Variants in PRMT7 observed in about 807,000 individuals in gnomAD.
PRMT7 encodes protein arginine methyltransferase 7.
A neutral mutation model predicts 85.4 loss-of-function variants in PRMT7; 75 were observed. The ratio of observed to expected loss-of-function variants is 0.88; its 90% CI spans 0.73 to 1.06. The LOEUF is 1.06. Ranked by LOEUF, PRMT7 falls within the 50% of genes least tolerant of loss-of-function variation. PRMT7 has a pLI of 0.00. For synonymous variants in PRMT7, 397 were observed against 359.5 expected (o/e 1.10, Z -1.18); for missense variants, 868 against 915.2 (o/e 0.95, Z 0.67).
Position 68,348,372 on chromosome 16 carries a change from A to G in PRMT7, c.1354A>G (p.Ile452Val). ...CAAGGCTAACCACTTGGAAGATAAA[A>G]TTAACATCATAGAGAAACGGCCGGA... ...IFKANHLEDK[I>V]NIIEKRPELL... The change falls in exon 14 of 19, where the codon ATT becomes GTT. Residue 452 changes from isoleucine to valine, a missense_variant. Transcript: ENST00000441236. 6.2e-7 allele frequency: 1 copy of G among 1,611,118 alleles called. No homozygotes were observed. Among genetic ancestry groups the G allele is most frequent in the Non-Finnish European group, 8.5e-7 (1 of 1,177,254 alleles).
At chr16:68,329,248 C>A in intron 6 of PRMT7, 74 bp downstream of exon 6, 1 of 1,136,276 alleles carries the variant, frequency 8.8e-7, no homozygotes, top group Non-Finnish European at 1.3e-6. Context: ...ATTCCAGTTA[C>A]CTGGAACAAA....
chr16:68,350,090 A>C (rs2087060998), intron 14 of PRMT7, among the ~76,000 whole-genome samples: 1 of 152,138 alleles, frequency 6.6e-6, no homozygotes, highest in Admixed American at 6.5e-5. Context: ...CCTTTCGCTG[A>C]GCATAATGTC....
intron 6 of PRMT7, among the ~76,000 whole-genome samples, chr16:68,335,733 G>C (rs975736127): frequency 6.6e-6 from 1 of 151,828 alleles, no homozygotes; most frequent in Non-Finnish European, 1.5e-5. Flanking sequence ...CCTCGAGCTC[G>C]AGGTTCACGC....
intron 3 of PRMT7, among the ~76,000 whole-genome samples, chr16:68,319,838 C>A (rs751474841): frequency 6.6e-6 from 1 of 151,996 alleles, no homozygotes; most frequent in East Asian, 1.9e-4. Flanking sequence ...TAGCTGTCCC[C>A]TTGAATTCCC....
At chr16:68,337,312 C>CA in intron 6 of PRMT7, 147 bp from the exon 7 acceptor site, 3 of 544,576 alleles carry the variant, frequency 5.5e-6, no homozygotes, top group Non-Finnish European at 9.8e-6. Context: ...AAGTCAGTTG[C>CA]AGACATCCTG....
intron 3 of PRMT7, 61 bp downstream of exon 3, chr16:68,316,135 C>T (rs148678771): frequency 2.8e-6 from 4 of 1,410,418 alleles, no homozygotes; most frequent in East Asian, 2.3e-5. Flanking sequence ...AAAGCAGATG[C>T]CTTGGGCTCC....
At chr16:68,311,478 A>G (rs2043671924) in intron 1 of PRMT7, 2 of 174,062 alleles carry the variant, frequency 1.1e-5, no homozygotes, top group Admixed American at 1.2e-4. Context: ...TATTCACTAC[A>G]CGCCAACCAG....
rs556149737 is a variant in PRMT7, at chr16:68,355,424, G to A, written c.1651-299G>A. ...AGCTGTGGTGGTCACCAAGTTTCTA[G>A]GTGCTGGGTGTTCTCACCAGTGATG... is the stretch of plus-strand genomic sequence containing the variant. On this transcript the variant is annotated intron_variant, in intron 16 of 18. Transcript: ENST00000441236. 20 of 267,042 alleles carry A rather than the reference G, an allele frequency of 7.5e-5. No homozygotes were observed. In the South Asian group the frequency reaches 3.0e-3, roughly 40 times the overall value. The allele number at this position is 267,042 out of a possible 1,614,324, so 16.5% of individuals were successfully genotyped here.
chr16:68,320,660 G>A (rs1411367395), intron 3 of PRMT7, among the ~76,000 whole-genome samples: 5 of 152,162 alleles, frequency 3.3e-5, no homozygotes, highest in Admixed American at 3.3e-4. Context: ...GCAGAGATTT[G>A]TTTATGACCA....
Position 68,357,562 on chromosome 16 carries a change from C to T in PRMT7, c.*338C>T, listed in dbSNP as rs936177340. ...AGCACAGGGAGCTTGTGGGGCTGGC[C>T]GGTGGGGTTGTCCACGCCGCCCTTG... On this transcript the variant is annotated 3_prime_UTR_variant, in exon 19 of 19. Transcript: ENST00000441236. 3.8e-5 allele frequency: 9 copies of T among 239,910 alleles called. No individual in the cohort carries two copies. Among genetic ancestry groups the T allele is most frequent in the East Asian group, 1.9e-4 (2 of 10,270 alleles). 14.9% of individuals were successfully genotyped at this position (239,910 alleles called of 1,614,324 possible).
At position 68,316,016 on chromosome 16, in the gene PRMT7, G is replaced by C; in HGVS notation, c.37G>C (p.Gly13Arg). The C allele has an allele frequency of 6.2e-7, 1 of 1,613,794 alleles. No individual in the cohort carries two copies. Among genetic ancestry groups the C allele is most frequent in the South Asian group, 1.1e-5 (1 of 90,902 alleles). The change falls in exon 3 of 19, where the codon GGG (glycine) becomes CGG (arginine). Residue 13 changes from glycine (G) to arginine (R), a missense_variant. Physicochemically the swap from Gly to Arg is moderately radical, Grantham distance 125. Coordinates refer to ENST00000441236, the MANE Select transcript of PRMT7 (RefSeq NM_019023.5). ...IFCSRANPTT[G>R]SVEWLEEDEH... ...CTGCAGTCGGGCCAATCCGACCACG[G>C]GGTCTGTGGAGTGGCTGGAGGAGGA...
In PRMT7 at chr16:68,347,289, G is replaced by T; in HGVS notation, c.1270G>T (p.Glu424Ter). ...LSVLAHHLGV[E>*]QVFTVESSAA... Reference sequence around the variant, plus strand: ...CGTGCTGGCCCATCACCTGGGGGTGGAGCAGGTACTGACATGCACCCTTGT... The same window carrying T: ...CGTGCTGGCCCATCACCTGGGGGTGTAGCAGGTACTGACATGCACCCTTGT... The change falls in exon 12 of 19, where the codon GAG becomes TAG. Residue 424 changes from glutamate to a stop codon, truncating the protein, a stop_gained. Transcript: ENST00000441236. LOFTEE classifies it high-confidence loss of function. The T allele has an allele frequency of 6.5e-7, 1 of 1,544,660 alleles. No individual in the cohort carries two copies.
chr16:68,319,619 T>C (rs1295612342), intron 3 of PRMT7, among the ~76,000 whole-genome samples: 2 of 151,772 alleles, frequency 1.3e-5, no homozygotes, highest in Non-Finnish European at 2.9e-5. Context: ...ACCCCCTTCT[T>C]TCAGTGCACC....
At chr16:68,322,109 T>C (rs542522988) in intron 4 of PRMT7, among the ~76,000 whole-genome samples, 2 of 152,260 alleles carry the variant, frequency 1.3e-5, no homozygotes, top group Admixed American at 1.3e-4. Context: ...GGGATAATAC[T>C]ATTATTATAC....
chr16:68,337,629 C>T, intron 7 of PRMT7, 58 bp downstream of exon 7: 1 of 1,188,446 alleles, frequency 8.4e-7, no homozygotes, highest in Non-Finnish European at 1.2e-6. Flanking sequence ...TCACATAGCA[C>T]TCACTCATGC....
Position 68,347,627 on chromosome 16 carries a change from C to T in PRMT7, c.1276-4C>T. On this transcript the variant is annotated splice_polypyrimidine_tract_variant and splice_region_variant and intron_variant, in intron 12 of 18. Transcript: ENST00000441236. ...TACAACTAATAGCGTGGTGTTCCCT[C>T]TAGGTGTTTACAGTCGAGAGTTCAG... 6.2e-7 allele frequency: 1 copy of T among 1,613,150 alleles called. No individual in the cohort carries two copies. The highest frequency in any genetic ancestry group is 8.5e-7 in the Non-Finnish European group (1 of 1,179,132).
intron 12 of PRMT7, 136 bp from the exon 13 acceptor site, chr16:68,347,495 C>A: frequency 9.2e-7 from 1 of 1,091,112 alleles, no homozygotes; most frequent in Non-Finnish European, 1.4e-6. Context: ...TTCAGGCTGC[C>A]CCAGGGAGGG....
Position 68,339,346 on chromosome 16 carries a change from A to G in PRMT7, c.529A>G (p.Arg177Gly). ...GGAAAATTGTGAGGCCGTGCCCCAC[A>G]GAGCCACCGTCTATGCACAGCTGGT... ...VEENCEAVPH[R>G]ATVYAQLVES... The change falls in exon 8 of 19, where the codon AGA becomes GGA. Residue 177 changes from arginine (R) to glycine (G), a missense_variant. Transcript: ENST00000441236. The G allele has an allele frequency of 6.2e-7, 1 of 1,614,180 alleles. No individual in the cohort carries two copies. The highest frequency in any genetic ancestry group is 8.5e-7 in the Non-Finnish European group (1 of 1,179,998).
Position 68,345,699 on chromosome 16 carries a change from G to A in PRMT7, c.952G>A (p.Val318Met), listed in dbSNP as rs370186920. ...GTGGCGGGACCACTGGATGCAGTGT[G>A]TGTACTTCCTGCCACAAGAGGAGCC... ...MQWRDHWMQCVYFLPQEEPVV... is the reference protein window; with the variant it reads ...MQWRDHWMQCMYFLPQEEPVV... Residue 318 changes from valine to methionine, a missense_variant, in exon 10 of 19, where the codon GTG becomes ATG. By Grantham distance (21) the Val-to-Met change is conservative. Transcript: ENST00000441236. 1.1e-5 allele frequency: 17 copies of A among 1,613,204 alleles called. No individual in the cohort carries two copies. The highest frequency in any genetic ancestry group is 4.0e-5 in the African/African-American group (3 of 74,922).
Sources: gnomAD v4.1 joint callset for allele counts (sites outside exome capture counted in the v4.1 genomes callset) on GRCh38, gnomAD v4.1.1 for gene constraint, MANE v1.5 for transcripts, NCBI Gene and HGNC (gene_info 2026-07-23, HGNC 2026-07-21) for gene names.